The following CSMD3 variants were observed in gnomAD, a reference collection of about 807,000 sequenced individuals.
CSMD3 encodes CUB and Sushi multiple domains 3.
Under a neutral mutation model 435.2 loss-of-function variants are expected in CSMD3, and 177 were observed. The observed-to-expected ratio is 0.41, with a 90% CI of 0.36 to 0.46. The LOEUF is 0.46. CSMD3 is among the 20% of genes least tolerant of loss of function. The probability of loss-of-function intolerance (pLI) is 0.34; values close to 1 mark genes in which losing one functional copy is unlikely to be tolerated. For synonymous variants in CSMD3, 1,656 were observed against 1,520.5 expected, an observed-to-expected ratio of 1.09 and a Z score of -2.07; for missense variants, 4,265 against 4,504.6, an observed-to-expected ratio of 0.95 and a Z score of 1.52.
intron 6 of CSMD3, among the ~76,000 whole-genome samples, chr8:113,003,325 A>C (rs898553036): frequency 6.6e-6 from 1 of 151,986 alleles, no homozygotes; most frequent in African/African-American, 2.4e-5. Flanking sequence ...TTGTTTGCTT[A>C]TTTTTCCTTC....
intron 22 of CSMD3, among the ~76,000 whole-genome samples, chr8:112,618,824 C>T (rs1337174032): frequency 6.6e-6 from 1 of 152,012 alleles, no homozygotes; most frequent in Non-Finnish European, 1.5e-5. Flanking sequence ...AAAATATATT[C>T]ATGATTAAGT....
At chr8:112,991,515 C>T (rs905031751) in intron 6 of CSMD3, among the ~76,000 whole-genome samples, 6 of 151,674 alleles carry the variant, frequency 4.0e-5, no homozygotes, top group African/African-American at 1.2e-4. Flanking sequence ...TAAATATCAC[C>T]GAATCTGTGC....
At chr8:112,793,950 A>G (rs989743862) in intron 13 of CSMD3, among the ~76,000 whole-genome samples, 1 of 152,136 alleles carries the variant, frequency 6.6e-6, no homozygotes, top group African/African-American at 2.4e-5. Flanking sequence ...GACATAACAA[A>G]TGTGTTTATC....
intron 38 of CSMD3, among the ~76,000 whole-genome samples, chr8:112,363,735 A>G (rs888027022): frequency 6.6e-6 from 1 of 152,182 alleles, no homozygotes; most frequent in Non-Finnish European, 1.5e-5. Flanking sequence ...AATAAAAGGA[A>G]GCAAACTGTG....
chr8:112,691,286 A>G (rs1457409944), intron 13 of CSMD3, among the ~76,000 whole-genome samples: 3 of 152,012 alleles, frequency 2.0e-5, no homozygotes, highest in Non-Finnish European at 4.4e-5. Context: ...GACTTTTTTT[A>G]TCTATCAGGG....
At chr8:112,674,641 G>C (rs1372903418) in intron 16 of CSMD3, among the ~76,000 whole-genome samples, 1 of 152,060 alleles carries the variant, frequency 6.6e-6, no homozygotes, top group African/African-American at 2.4e-5. Context: ...CAAACTGTTT[G>C]AACTAAACAG....
rs189739130 is a variant in CSMD3, at chr8:113,435,065, C to T, written c.178+1612G>A. Among the ~76,000 whole-genome samples the T allele has an allele frequency of 2.6e-3, 390 of 152,346 alleles. 2 individuals carry two copies. The highest frequency in any genetic ancestry group is 9.0e-3 in the African/African-American group (375 of 41,584). Reference sequence around the variant, plus strand: ...CAGCCCCAGGGCCATCCATTAACCACCAACTCCCAGTGGCAGGCGAACTAA... The same window carrying T: ...CAGCCCCAGGGCCATCCATTAACCATCAACTCCCAGTGGCAGGCGAACTAA... On this transcript the variant is annotated intron_variant, in intron 1 of 70. Transcript: ENST00000297405.
At chr8:113,337,294 A>T (rs911664574) in intron 1 of CSMD3, among the ~76,000 whole-genome samples, 4 of 152,132 alleles carry the variant, frequency 2.6e-5, no homozygotes, top group Admixed American at 2.6e-4. Context: ...AGTTGTTTGT[A>T]GCATGAGAAA....
chr8:112,603,176 C>T (rs929648688), intron 22 of CSMD3, among the ~76,000 whole-genome samples: 9 of 152,308 alleles, frequency 5.9e-5, no homozygotes, highest in African/African-American at 2.2e-4. Flanking sequence ...CTGCATCTGG[C>T]CCAATTCACA....
At chr8:113,335,792 G>A (rs2094069710) in intron 1 of CSMD3, among the ~76,000 whole-genome samples, 1 of 151,718 alleles carries the variant, frequency 6.6e-6, no homozygotes, top group Admixed American at 6.6e-5. Context: ...GTGTTGTTGA[G>A]TACTTCTGTA....
At chr8:112,654,152 T>TA (rs1273329408) in intron 18 of CSMD3, among the ~76,000 whole-genome samples, 2 of 152,134 alleles carry the variant, frequency 1.3e-5, no homozygotes, top group African/African-American at 4.8e-5. Context: ...TGAATTTGAT[T>TA]AAAAAAATAG....
intron 3 of CSMD3, among the ~76,000 whole-genome samples, chr8:113,267,465 CA>C (rs1379348851): frequency 2.0e-5 from 3 of 151,640 alleles, no homozygotes; most frequent in Non-Finnish European, 4.4e-5. Flanking sequence ...AAGTGGAGGT[CA>C]GTATCTTAAG....
intron 16 of CSMD3, among the ~76,000 whole-genome samples, chr8:112,680,226 T>G (rs1201440749): frequency 6.6e-6 from 1 of 152,076 alleles, no homozygotes; most frequent in African/African-American, 2.4e-5. Flanking sequence ...GGTGTGGTGA[T>G]GTGCACCTAT....
chr8:113,296,291 T>TATTATAATAATA, intron 2 of CSMD3, among the ~76,000 whole-genome samples: 1 of 146,268 alleles, frequency 6.8e-6, no homozygotes, highest in East Asian at 2.0e-4. Flanking sequence ...GAACTTAAAG[T>TATTATAATAATA]ATAATAATAA....
intron 3 of CSMD3, among the ~76,000 whole-genome samples, chr8:113,194,223 T>C (rs1177100077): frequency 1.3e-5 from 2 of 151,290 alleles, no homozygotes. Flanking sequence ...TCTGTAATTA[T>C]AGACAAAACT....
intron 1 of CSMD3, among the ~76,000 whole-genome samples, chr8:113,420,417 TAAGACAGATAA>T (rs1377942850): frequency 2.0e-5 from 3 of 152,160 alleles, no homozygotes; most frequent in Admixed American, 1.3e-4. Context: ...CATACGATAG[TAAGACAGATAA>T]AAAAATACAA....
chr8:113,289,777 A>G (rs1047403363), intron 2 of CSMD3, among the ~76,000 whole-genome samples: 4 of 151,740 alleles, frequency 2.6e-5, no homozygotes, highest in African/African-American at 9.7e-5. Context: ...AAAAACTGAA[A>G]CAAAACAAAA....
At chr8:113,239,212 C>T (rs2093184244) in intron 3 of CSMD3, among the ~76,000 whole-genome samples, 1 of 152,080 alleles carries the variant, frequency 6.6e-6, no homozygotes, top group Non-Finnish European at 1.5e-5. Flanking sequence ...TGGAAGTGCA[C>T]CACCAGGTCT....
chr8:112,853,901 G>C (rs191693244), intron 11 of CSMD3, among the ~76,000 whole-genome samples: 1 of 151,542 alleles, frequency 6.6e-6, no homozygotes, highest in African/African-American at 2.4e-5. Flanking sequence ...TTTTTCTTTA[G>C]TGGATGCCTA....
Sources: gnomAD v4.1 joint callset for allele counts (sites outside exome capture counted in the v4.1 genomes callset) on GRCh38, gnomAD v4.1.1 for gene constraint, MANE v1.5 for transcripts, NCBI Gene and HGNC (gene_info 2026-07-23, HGNC 2026-07-21) for gene names.